The following MBNL2 variants were observed in gnomAD, a reference collection of about 807,000 sequenced individuals.
MBNL2 encodes the protein muscleblind like splicing regulator 2, also known as muscleblind-like protein 2.
A neutral mutation model predicts 41.9 loss-of-function variants in MBNL2; 17 were observed. The ratio of observed to expected loss-of-function variants is 0.41; its 90% CI spans 0.28 to 0.61. The LOEUF (loss-of-function observed/expected upper bound fraction) is 0.61. Ranked by LOEUF, MBNL2 falls within the 20% of genes least tolerant of loss-of-function variation. The probability of loss-of-function intolerance (pLI) is 0.35; values close to 1 mark genes in which losing one functional copy is unlikely to be tolerated. For synonymous variants in MBNL2, 195 were observed against 182.9 expected (o/e 1.07, Z -0.53); for missense variants, 336 against 505.6 (o/e 0.66, Z 3.22).
chr13:97,144,423 C>CTT, the MBNL2 span, among the ~76,000 whole-genome samples: 130 of 118,034 alleles, frequency 1.1e-3, 1 homozygote, highest in East Asian at 2.0e-3. Context: ...CATGATACTT[C>CTT]TTTTTTTTTT....
At chr13:97,374,063 A>ATTTTTCTTTTTTT (rs2064691568) in intron 8 of MBNL2, among the ~76,000 whole-genome samples, 1 of 63,128 alleles carries the variant, frequency 1.6e-5, no homozygotes, top group Non-Finnish European at 3.1e-5. Flanking sequence ...CCTCCTTTGC[A>ATTTTTCTTTTTTT]TTTTTTTTTT....
chr13:97,387,711 T>C (rs776260092), intron 8 of MBNL2, among the ~76,000 whole-genome samples: 4 of 152,214 alleles, frequency 2.6e-5, no homozygotes, highest in African/African-American at 4.8e-5. Flanking sequence ...GCAAGCACTT[T>C]GTACATTGTG....
chr13:97,349,160 G>A (rs753867140), intron 5 of MBNL2, among the ~76,000 whole-genome samples: 1 of 148,828 alleles, frequency 6.7e-6, no homozygotes, highest in Non-Finnish European at 1.5e-5. Context: ...TTTGCTGAGT[G>A]TGAATTCCTA....
chr13:97,174,621 G>A, the MBNL2 span, among the ~76,000 whole-genome samples: 7 of 152,296 alleles, frequency 4.6e-5, no homozygotes, highest in East Asian at 1.2e-3. Context: ...AGGGATCAAA[G>A]GCAAATAGGT....
At chr13:97,217,603 G>A (rs760521955), upstream of MBNL2, among the ~76,000 whole-genome samples, 17 of 152,140 alleles carry the variant, frequency 1.1e-4, no homozygotes, top group Non-Finnish European at 1.2e-4. Context: ...GAAAAGACAT[G>A]ACACACCTGA....
the MBNL2 span, among the ~76,000 whole-genome samples, chr13:97,191,040 C>G: frequency 1.3e-5 from 2 of 151,942 alleles, no homozygotes; most frequent in Admixed American, 6.6e-5. Flanking sequence ...GAAATCCATG[C>G]CTGTAATGAA....
chr13:97,310,952 A>G (rs910749368), intron 2 of MBNL2, among the ~76,000 whole-genome samples: 2 of 152,170 alleles, frequency 1.3e-5, no homozygotes, highest in Non-Finnish European at 2.9e-5. Context: ...GTCTGATAAA[A>G]ATCAATGTAA....
In MBNL2 at chr13:97,268,068, TTTTC is replaced by T. The variant is rs1388753063; in HGVS notation, c.-604-7559_-604-7556del. 7.6e-6 allele frequency among the ~76,000 whole-genome samples: 1 copy of T among 131,384 alleles called. No individual in the cohort carries two copies. The highest frequency in any genetic ancestry group is 2.8e-5 in the African/African-American group (1 of 35,552). 86.2% of individuals were successfully genotyped at this position (131,384 alleles called of 152,430 possible). A position where few individuals can be genotyped will look rare whatever the true frequency, so the allele number is the denominator to read the frequency against. On this transcript the variant is annotated intron_variant, in intron 1 of 8. Transcript: ENST00000679496. This position sits in a 1 kb window ranked among gnomAD's most constrained non-coding sequence, Gnocchi z 4.6. ...TGGGGCCTAAGAGTGTGCTTTTCTT[TTTTC>T]TTTCCTTCCTTCCTTCCTTCCTTCC...
chr13:97,276,257 G>C lies in MBNL2; in HGVS notation c.22G>C (p.Val8Leu), dbSNP rs139684062. 16 of 1,613,696 alleles carry C rather than the reference G, an allele frequency of 9.9e-6. No homozygotes were observed. Among genetic ancestry groups the C allele is most frequent in the Non-Finnish European group, 1.4e-5 (16 of 1,179,814 alleles). Reference sequence around the variant, plus strand: ...CACCATGGCTTTGAACGTTGCCCCAGTCAGAGATACAAAATGGCTGACATT... The same window carrying C: ...CACCATGGCTTTGAACGTTGCCCCACTCAGAGATACAAAATGGCTGACATT... MALNVAP[V>L]RDTKWLTLEV... The change falls in exon 2 of 9, where the codon GTC (valine) becomes CTC (leucine). Residue 8 changes from valine (V) to leucine (L), a missense_variant. Val to Leu is a conservative substitution (Grantham distance 32). Transcript: ENST00000679496.
chr13:97,353,066 A>G (rs923628622), intron 5 of MBNL2, among the ~76,000 whole-genome samples: 22 of 152,222 alleles, frequency 1.4e-4, no homozygotes, highest in African/African-American at 2.4e-5. Flanking sequence ...TTTTCACATT[A>G]CATTCATGGT....
intron 5 of MBNL2, among the ~76,000 whole-genome samples, chr13:97,351,727 T>C (rs1395935268): frequency 6.6e-6 from 1 of 152,196 alleles, no homozygotes; most frequent in African/African-American, 2.4e-5. Context: ...AGGACCTTGC[T>C]CTAAATTAGG....
At chr13:97,181,972 T>C in the MBNL2 span, among the ~76,000 whole-genome samples, 2 of 152,318 alleles carry the variant, frequency 1.3e-5, no homozygotes, top group Admixed American at 1.3e-4. Flanking sequence ...TACTTCCTTG[T>C]AACCTGGTTA....
chr13:97,238,056 A>G lies in MBNL2; in HGVS notation c.-605+15525A>G, dbSNP rs201043314. ...CAGAAAAACCAGTGATGCCAATGGC[A>G]TAAACACACAGGAGGATGGGGGAAG... On this transcript the variant is annotated intron_variant, in intron 1 of 8. Transcript: ENST00000679496. Among the ~76,000 whole-genome samples, 38 of 152,370 alleles carry G rather than the reference A, an allele frequency of 2.5e-4. No individual in the cohort carries two copies. The East Asian group carries it at 6.2e-3, about 25-fold the overall frequency.
At chr13:97,342,464 G>A (rs1243472627) in intron 3 of MBNL2, among the ~76,000 whole-genome samples, 1 of 152,218 alleles carries the variant, frequency 6.6e-6, no homozygotes, top group Non-Finnish European at 1.5e-5. Flanking sequence ...AGGTTTATTT[G>A]AAAACTACAT....
chr13:97,187,833 G>A, the MBNL2 span, among the ~76,000 whole-genome samples: 1 of 151,596 alleles, frequency 6.6e-6, no homozygotes, highest in Non-Finnish European at 1.5e-5. Context: ...CGTGAACCCC[G>A]GGACGGCGGA....
the MBNL2 span, among the ~76,000 whole-genome samples, chr13:97,186,674 A>T: frequency 6.6e-6 from 1 of 152,320 alleles, no homozygotes; most frequent in East Asian, 1.9e-4. Flanking sequence ...GCCATCTCCA[A>T]CTATGGATAC....
chr13:97,278,548 T>G, intron 2 of MBNL2, among the ~76,000 whole-genome samples: 1 of 152,178 alleles, frequency 6.6e-6, no homozygotes, highest in South Asian at 2.1e-4. Context: ...AACGCCTAGA[T>G]CCTTGTTATT....
intron 8 of MBNL2, among the ~76,000 whole-genome samples, chr13:97,378,614 C>T (rs2065162596): frequency 1.3e-5 from 2 of 152,156 alleles, no homozygotes; most frequent in South Asian, 4.1e-4. Flanking sequence ...AGGAGATACA[C>T]ATACAGAAAA....
chr13:97,369,823 G>A (rs570841441), intron 8 of MBNL2, among the ~76,000 whole-genome samples: 19 of 152,236 alleles, frequency 1.2e-4, no homozygotes, highest in African/African-American at 4.3e-4. Context: ...ATATGTTTGG[G>A]AAATATAAAA....
Sources: allele counts gnomAD v4.1 joint callset (sites outside exome capture counted in the v4.1 genomes callset), GRCh38; gene constraint gnomAD v4.1.1; non-coding constraint Gnocchi (gnomAD v3.1); transcripts MANE v1.5; gene names NCBI Gene and HGNC (gene_info 2026-07-23, HGNC 2026-07-21).